Variants in SYTL2 observed in about 807,000 individuals in gnomAD.
SYTL2 encodes synaptotagmin-like protein 2.
A neutral mutation model predicts 198.7 loss-of-function variants in SYTL2; 165 were observed. The observed-to-expected ratio is 0.83, with a 90% CI of 0.73 to 0.94. The LOEUF is 0.94. Among genes scored for constraint, SYTL2 ranks in the 40% least tolerant of loss-of-function variants. SYTL2 has a pLI of 0.00. For missense variants in SYTL2, 2,835 were observed against 2,582.8 expected (o/e 1.10, Z -2.12); for synonymous variants, 966 against 917.7 (o/e 1.05, Z -0.95).
intron 14 of SYTL2, chr11:85,708,153 C>G (rs199951148): frequency 3.6e-6 from 1 of 274,486 alleles, no homozygotes; most frequent in African/African-American, 2.5e-5. Flanking sequence ...AACTCCACCT[C>G]AAAAAAAAAA....
the SYTL2 span, among the ~76,000 whole-genome samples, chr11:85,818,438 C>A: frequency 1.3e-5 from 2 of 152,142 alleles, no homozygotes; most frequent in South Asian, 2.1e-4. Context: ...TAGTTTATTT[C>A]CTTGCTTTTT....
intron 1 of SYTL2, among the ~76,000 whole-genome samples, chr11:85,805,851 G>C (rs946394785): frequency 6.6e-6 from 1 of 152,218 alleles, no homozygotes; most frequent in African/African-American, 2.4e-5. Flanking sequence ...TGCATTTATA[G>C]AAAGAGGACA....
chr11:85,854,850 C>A, the SYTL2 span: 1 of 152,294 alleles, frequency 6.6e-6, no homozygotes, highest in Non-Finnish European at 1.5e-5. Context: ...TCTACAGTCA[C>A]CAACTTCCAG....
chr11:85,708,324 T>C (rs193190284), intron 14 of SYTL2, among the ~76,000 whole-genome samples: 108 of 152,250 alleles, frequency 7.1e-4, no homozygotes, highest in African/African-American at 1.9e-3. Flanking sequence ...TCAAGTTATC[T>C]TCAATGTTAA....
At chr11:85,759,181 G>C (rs2092012263) in intron 1 of SYTL2, among the ~76,000 whole-genome samples, 1 of 151,428 alleles carries the variant, frequency 6.6e-6, no homozygotes, top group African/African-American at 2.4e-5. Flanking sequence ...GGGAGGCGGA[G>C]GTTGCAGTGA....
rs761672884 is a variant in SYTL2 at position 85,726,570 on chromosome 11, C to A, written c.2788G>T (p.Ala930Ser). Residue 930 changes from alanine (A) to serine (S), a missense_variant, in exon 8 of 20, where the codon GCA becomes TCA. Physicochemically the swap from Ala to Ser is moderately conservative, Grantham distance 99. Transcript: ENST00000359152. ...LPSRRNITLP[A>S]LQPPSNVGSE... Reference sequence around the variant, plus strand: ...CCGACATTTGAGGGAGGTTGCAGTGCTGGTAAAGTAATGTTTCTTCTAGAA... The same window carrying A: ...CCGACATTTGAGGGAGGTTGCAGTGATGGTAAAGTAATGTTTCTTCTAGAA... The A allele has an allele frequency of 2.5e-6, 4 of 1,586,540 alleles. No homozygotes were observed. The highest frequency in any genetic ancestry group is 2.6e-6 in the Non-Finnish European group (3 of 1,172,044).
At chr11:85,821,158 T>G in the SYTL2 span, among the ~76,000 whole-genome samples, 1 of 152,250 alleles carries the variant, frequency 6.6e-6, no homozygotes, top group Admixed American at 6.5e-5. Context: ...GATTCTAAGA[T>G]GCACATCTTT....
In SYTL2 at chr11:85,788,513, A is replaced by C. The variant is rs2092672915; in HGVS notation, c.-390+22441T>G. On this transcript the variant is annotated intron_variant, in intron 1 of 19. Transcript: ENST00000359152. ...GCTGTGAAATATACACAAGTTGTGA[A>C]AAAGACACCATGCAAAAGTCTGGAA... Among the ~76,000 whole-genome samples the C allele has an allele frequency of 2.6e-5, 4 of 152,318 alleles. No individual in the cohort carries two copies. The South Asian group carries it at 8.3e-4, about 32-fold the overall frequency.
At chr11:85,732,745 T>TA (rs1438597562) in intron 7 of SYTL2, among the ~76,000 whole-genome samples, 3 of 152,084 alleles carry the variant, frequency 2.0e-5, no homozygotes, top group African/African-American at 4.8e-5. Flanking sequence ...AGTATATATT[T>TA]AAAAAAAATT....
At chr11:85,794,912 G>C (rs1390608506) in intron 1 of SYTL2, among the ~76,000 whole-genome samples, 1 of 151,888 alleles carries the variant, frequency 6.6e-6, no homozygotes, top group Non-Finnish European at 1.5e-5. Flanking sequence ...AAACAATAAA[G>C]AGATGGTCTT....
chr11:85,730,391 G>A (rs576371218), intron 7 of SYTL2, among the ~76,000 whole-genome samples: 3 of 152,132 alleles, frequency 2.0e-5, no homozygotes, highest in East Asian at 1.9e-4. Flanking sequence ...AAAGCTTATC[G>A]ACTATGATCA....
chr11:85,820,509 T>G, the SYTL2 span, among the ~76,000 whole-genome samples: 1 of 152,202 alleles, frequency 6.6e-6, no homozygotes, highest in African/African-American at 2.4e-5. Flanking sequence ...TGGGAACATG[T>G]TAGAAAAGCA....
intron 1 of SYTL2, among the ~76,000 whole-genome samples, chr11:85,789,192 G>A (rs985620647): frequency 2.7e-5 from 4 of 149,674 alleles, no homozygotes; most frequent in African/African-American, 7.4e-5. Flanking sequence ...GACCTCCTGG[G>A]CTCAAGCAAT....
In SYTL2 at chr11:85,766,411, G is replaced by C. The variant is rs540948427; in HGVS notation, c.-389-8297C>G. ...GAAAATTCAAATCATATGTAGAAGA[G>C]AGACGGCAGTCTACAAAAGGGGTGA... On this transcript the variant is annotated intron_variant, in intron 1 of 19. Transcript: ENST00000359152. Among the ~76,000 whole-genome samples, 199 of 152,314 alleles carry C rather than the reference G, an allele frequency of 1.3e-3. 1 individual carries two copies. The highest frequency in any genetic ancestry group is 4.5e-3 in the African/African-American group (187 of 41,566).
intron 7 of SYTL2, 100 bp from the exon 8 acceptor site, chr11:85,728,067 C>T (rs758261298): frequency 9.9e-7 from 1 of 1,013,838 alleles, no homozygotes; most frequent in African/African-American, 1.6e-5. Flanking sequence ...TGTATTTGCA[C>T]TTTCTATACC....
chr11:85,727,269 C>G lies in SYTL2; in HGVS notation c.2089G>C (p.Glu697Gln). Reference sequence around the variant, plus strand: ...TCTTCATGAGCATGAAACTTGGGTTCTTCTTCACCCAAGTTGCCAATATTA... The same window carrying G: ...TCTTCATGAGCATGAAACTTGGGTTGTTCTTCACCCAAGTTGCCAATATTA... ...TNNIGNLGEE[E>Q]PKFHAHEENR... Residue 697 changes from glutamate to glutamine, a missense_variant, in exon 8 of 20, where the codon GAA becomes CAA. Coordinates refer to ENST00000359152, the MANE Select transcript of SYTL2 (RefSeq NM_206927.4). 1 of 1,534,934 alleles carries G rather than the reference C, an allele frequency of 6.5e-7. No individual in the cohort carries two copies. Among genetic ancestry groups the G allele is most frequent in the East Asian group, 2.4e-5 (1 of 40,908 alleles).
chr11:85,722,251 T>G (rs1466344984), intron 8 of SYTL2, among the ~76,000 whole-genome samples: 1 of 140,768 alleles, frequency 7.1e-6, no homozygotes, highest in African/African-American at 2.6e-5. Flanking sequence ...TGATCTCGAC[T>G]CACTGCAAGC....
At chr11:85,760,594 G>A (rs1017493997) in intron 1 of SYTL2, among the ~76,000 whole-genome samples, 1 of 152,146 alleles carries the variant, frequency 6.6e-6, no homozygotes, top group Non-Finnish European at 1.5e-5. Flanking sequence ...GGTTCCCAAT[G>A]AGGTCTTACA....
intron 11 of SYTL2, 105 bp from the exon 12 acceptor site, chr11:85,714,612 T>C: frequency 2.0e-6 from 3 of 1,477,668 alleles, no homozygotes; most frequent in Non-Finnish European, 2.7e-6. Context: ...CAAACATGTT[T>C]TTGTAAAAAA....
Sources: allele counts gnomAD v4.1 joint callset (sites outside exome capture counted in the v4.1 genomes callset), GRCh38; gene constraint gnomAD v4.1.1; transcripts MANE v1.5; gene names NCBI Gene and HGNC (gene_info 2026-07-23, HGNC 2026-07-21).